ARHGAP15: variants seen among roughly 807,000 people sequenced by gnomAD.
ARHGAP15 encodes the protein Rho GTPase activating protein 15.
A neutral mutation model predicts 63.7 loss-of-function variants in ARHGAP15; 51 were observed. That is an observed-to-expected ratio of 0.80 (90% CI 0.64 to 1.01). ARHGAP15 has a LOEUF of 1.01. ARHGAP15 is among the 50% of genes least tolerant of loss of function. The probability of loss-of-function intolerance (pLI) is 0.00; values close to 1 mark genes in which losing one functional copy is unlikely to be tolerated. For missense variants in ARHGAP15, 560 were observed against 564.6 expected, an observed-to-expected ratio of 0.99 and a Z score of 0.08; for synonymous variants, 191 against 193.8, an observed-to-expected ratio of 0.99 and a Z score of 0.12.
intron 6 of ARHGAP15, among the ~76,000 whole-genome samples, chr2:143,331,403 T>A (rs2105259147): frequency 6.6e-6 from 1 of 152,258 alleles, no homozygotes; most frequent in African/African-American, 2.4e-5. Context: ...ACTATACATA[T>A]TTGTTTATTT....
At chr2:143,379,297 A>G (rs1686950672) in intron 6 of ARHGAP15, among the ~76,000 whole-genome samples, 1 of 152,010 alleles carries the variant, frequency 6.6e-6, no homozygotes, top group Non-Finnish European at 1.5e-5. Flanking sequence ...TTGAATTCAT[A>G]GTAAAATGAC....
chr2:143,229,154 G>A (rs1227249120), intron 5 of ARHGAP15, among the ~76,000 whole-genome samples: 1 of 151,932 alleles, frequency 6.6e-6, no homozygotes, highest in East Asian at 1.9e-4. Context: ...TTGGTATCTA[G>A]CATGCTATAA....
At chr2:143,531,460 C>T (rs976193189) in intron 10 of ARHGAP15, among the ~76,000 whole-genome samples, 1 of 152,034 alleles carries the variant, frequency 6.6e-6, no homozygotes, top group African/African-American at 2.4e-5. Flanking sequence ...TCCAAATTAA[C>T]CCTTGGATTT....
intron 12 of ARHGAP15, among the ~76,000 whole-genome samples, chr2:143,680,354 A>G (rs909972584): frequency 1.3e-5 from 2 of 152,214 alleles, no homozygotes; most frequent in Non-Finnish European, 2.9e-5. Context: ...ACTTGCAGCA[A>G]TTGTAGCTTA....
At chr2:143,145,297 T>C (rs1403472893) in intron 1 of ARHGAP15, among the ~76,000 whole-genome samples, 1 of 152,042 alleles carries the variant, frequency 6.6e-6, no homozygotes, top group East Asian at 1.9e-4. Flanking sequence ...ATCAAGTGCA[T>C]TCCCACCTTA....
At chr2:143,416,826 C>T (rs1558957105) in intron 6 of ARHGAP15, among the ~76,000 whole-genome samples, 1 of 38,342 alleles carries the variant, frequency 2.6e-5, no homozygotes, top group African/African-American at 7.7e-5. Context: ...CCACCACCCC[C>T]CCACCCCCAC....
chr2:143,509,054 C>CT (rs1693454598), intron 9 of ARHGAP15, among the ~76,000 whole-genome samples: 1 of 152,028 alleles, frequency 6.6e-6, no homozygotes, highest in East Asian at 1.9e-4. Context: ...GTGCTACCCC[C>CT]GCAGCTAAAT....
At chr2:143,214,935 G>A (rs2105141127) in intron 3 of ARHGAP15, among the ~76,000 whole-genome samples, 1 of 152,164 alleles carries the variant, frequency 6.6e-6, no homozygotes, top group African/African-American at 2.4e-5. Flanking sequence ...GGCTTGCCCA[G>A]TTTACTATAA....
chr2:143,495,496 A>G (rs1345014655), intron 9 of ARHGAP15, among the ~76,000 whole-genome samples: 1 of 152,188 alleles, frequency 6.6e-6, no homozygotes, highest in East Asian at 1.9e-4. Flanking sequence ...GTGTCATGCA[A>G]CTGCTGGAAC....
intron 13 of ARHGAP15, among the ~76,000 whole-genome samples, chr2:143,744,544 A>G (rs1250388944): frequency 2.0e-5 from 3 of 152,200 alleles, no homozygotes; most frequent in Non-Finnish European, 4.4e-5. Flanking sequence ...GAGTGTTGTC[A>G]TATTAGTAAT....
At chr2:143,301,253 A>G (rs556657664) in intron 6 of ARHGAP15, among the ~76,000 whole-genome samples, 2 of 152,082 alleles carry the variant, frequency 1.3e-5, no homozygotes, top group African/African-American at 4.8e-5. Flanking sequence ...AGAGCTGTTC[A>G]ATGTCTCTAC....
intron 6 of ARHGAP15, among the ~76,000 whole-genome samples, chr2:143,330,018 G>GGAGGCAGA (rs962080211): frequency 7.2e-6 from 1 of 139,300 alleles, no homozygotes; most frequent in Non-Finnish European, 1.5e-5. Context: ...CTTGAGCCCA[G>GGAGGCAGA]GAGGCAGAGG....
chr2:143,510,799 C>T lies in ARHGAP15; in HGVS notation c.827-8467C>T, dbSNP rs568397980. Among the ~76,000 whole-genome samples, 9 of 152,298 alleles carry T rather than the reference C, an allele frequency of 5.9e-5. No homozygotes were observed. The South Asian group carries it at 1.9e-3, about 32-fold the overall frequency. ...GTTTTCTGCTTCGCTCTGTGTTCCG[C>T]ATGTGTGTGTCCTTCTAGGTGCTTT... is the stretch of plus-strand genomic sequence containing the variant. On this transcript the variant is annotated intron_variant, in intron 9 of 13. Transcript: ENST00000295095.
intron 8 of ARHGAP15, among the ~76,000 whole-genome samples, chr2:143,440,858 A>G (rs1003384430): frequency 1.3e-5 from 2 of 152,150 alleles, no homozygotes; most frequent in African/African-American, 4.8e-5. Flanking sequence ...GAGTCAATCA[A>G]AGAAGATGTG....
intron 9 of ARHGAP15, among the ~76,000 whole-genome samples, chr2:143,496,183 G>T (rs549340595): frequency 6.6e-5 from 10 of 152,094 alleles, no homozygotes; most frequent in Non-Finnish European, 1.3e-4. Flanking sequence ...GGGAGCAAAT[G>T]TGTTGGTAAT....
At chr2:143,668,333 AG>A (rs1682341610) in intron 12 of ARHGAP15, among the ~76,000 whole-genome samples, 1 of 151,758 alleles carries the variant, frequency 6.6e-6, no homozygotes, top group Non-Finnish European at 1.5e-5. Context: ...TACAGAGCAA[AG>A]TTAGGCGGCA....
At chr2:143,471,124 C>T (rs954437751) in intron 8 of ARHGAP15, among the ~76,000 whole-genome samples, 2 of 146,318 alleles carry the variant, frequency 1.4e-5, no homozygotes, top group African/African-American at 5.2e-5. Context: ...CACATATACA[C>T]ATACATGTAT....
intron 6 of ARHGAP15, among the ~76,000 whole-genome samples, chr2:143,329,304 G>A (rs72851583): frequency 0.014 from 2,139 of 152,332 alleles, 29 homozygotes; most frequent in Non-Finnish European, 0.025. Context: ...ATGATCCTGA[G>A]TGGGCCTCAT....
At chr2:143,412,413 T>C (rs988514978) in intron 6 of ARHGAP15, among the ~76,000 whole-genome samples, 1 of 152,244 alleles carries the variant, frequency 6.6e-6, no homozygotes, top group African/African-American at 2.4e-5. Context: ...CACTATTTGG[T>C]AGCTTTTAAC....
Sources: gnomAD v4.1 joint callset for allele counts (sites outside exome capture counted in the v4.1 genomes callset) on GRCh38, gnomAD v4.1.1 for gene constraint, MANE v1.5 for transcripts, NCBI Gene and HGNC (gene_info 2026-07-23, HGNC 2026-07-21) for gene names.